The following SKP2 variants were observed in gnomAD, a reference collection of about 807,000 sequenced individuals.
SKP2 encodes the protein S-phase kinase associated protein 2.
SKP2 carries 16 observed loss-of-function variants against 51.8 expected under a neutral mutation model. The ratio of observed to expected loss-of-function variants is 0.31; its 90% CI spans 0.21 to 0.47. SKP2 has a LOEUF of 0.47. Ranked by LOEUF, SKP2 falls within the 20% of genes least tolerant of loss-of-function variation. SKP2 has a pLI of 1.00. For missense variants in SKP2, 377 were observed against 505.3 expected (o/e 0.75, Z 2.43); for synonymous variants, 176 against 198.6 (o/e 0.89, Z 0.96).
Position 36,184,011 on chromosome 5 carries a change from A to G in SKP2, c.*1980A>G. The G allele has an allele frequency of 1.3e-6, 2 of 1,482,458 alleles. No homozygotes were observed. The highest frequency in any genetic ancestry group is 1.9e-6 in the Non-Finnish European group (2 of 1,075,348). The allele number at this position is 1,482,458 out of a possible 1,614,324, so 91.8% of individuals were successfully genotyped here. ...TTTATAGACTTGTTTTAAAACAATA[A>G]AACACATTTTTATAAAAATGAGTGC... On this transcript the variant is annotated 3_prime_UTR_variant, in exon 10 of 10. Transcript: ENST00000274255.
intron 9 of SKP2, among the ~76,000 whole-genome samples, chr5:36,178,461 T>C (rs1245657079): frequency 6.6e-6 from 1 of 152,140 alleles, no homozygotes; most frequent in Non-Finnish European, 1.5e-5. Context: ...GGGTTCAGGG[T>C]CTGAGCTGGT....
At chr5:36,189,357 A>T (rs1745984556) in intron 6 of SKP2, among the ~76,000 whole-genome samples, 2 of 151,974 alleles carry the variant, frequency 1.3e-5, no homozygotes, top group African/African-American at 4.8e-5. Context: ...TTGTGGTTTT[A>T]TCTACCTTTG....
At chr5:36,184,836 ACACTGTCTT>A (rs1208693213), downstream of SKP2, among the ~76,000 whole-genome samples, 1 of 152,242 alleles carries the variant, frequency 6.6e-6, no homozygotes, top group Admixed American at 6.5e-5. Context: ...AGGAATCACC[ACACTGTCTT>A]CCACAATGGT....
intron 9 of SKP2, among the ~76,000 whole-genome samples, chr5:36,178,834 C>T (rs1261992316): frequency 1.3e-5 from 2 of 151,970 alleles, no homozygotes; most frequent in Non-Finnish European, 2.9e-5. Flanking sequence ...TGCTTTTTCT[C>T]AAGCAGAGGC....
chr5:36,177,173 C>A lies in SKP2; in HGVS notation c.954-12C>A. On this transcript the variant is annotated splice_polypyrimidine_tract_variant and intron_variant, in intron 8 of 9. Coordinates refer to ENST00000274255, the MANE Select transcript of SKP2 (RefSeq NM_005983.4). ...GTGATTTTCAATATCTTTTCTTCTGCCTTCTTAACAGTGATAGTGTCATGC... is the reference window on the plus strand; with the variant it reads ...GTGATTTTCAATATCTTTTCTTCTGACTTCTTAACAGTGATAGTGTCATGC... 6.4e-7 allele frequency: 1 copy of A among 1,554,286 alleles called. No homozygotes were observed. The highest frequency in any genetic ancestry group is 8.9e-7 in the Non-Finnish European group (1 of 1,126,484).
At chr5:36,170,716 T>C (rs556075086) in intron 6 of SKP2, among the ~76,000 whole-genome samples, 4 of 152,290 alleles carry the variant, frequency 2.6e-5, no homozygotes, top group African/African-American at 9.6e-5. Context: ...AACAGTATGG[T>C]TGTAAGAAAT....
chr5:36,189,344 T>C (rs1011355093), intron 6 of SKP2, among the ~76,000 whole-genome samples: 1 of 152,196 alleles, frequency 6.6e-6, no homozygotes. Flanking sequence ...TTTTTCCCTA[T>C]CTTTGTGGTT....
intron 1 of SKP2, 130 bp from the exon 2 acceptor site, chr5:36,152,641 T>TA (rs1318661705): frequency 1.1e-5 from 11 of 991,958 alleles, no homozygotes; most frequent in Non-Finnish European, 1.6e-5. Context: ...CGCAGGCACA[T>TA]AAAAAATGCG....
intron 2 of SKP2, among the ~76,000 whole-genome samples, chr5:36,159,117 G>A (rs565419510): frequency 6.6e-6 from 1 of 152,310 alleles, no homozygotes. Flanking sequence ...GCCTGTGGTG[G>A]TATCCTGGGT....
chr5:36,165,670 A>G (rs1416272858), intron 3 of SKP2, among the ~76,000 whole-genome samples: 1 of 152,196 alleles, frequency 6.6e-6, no homozygotes, highest in Non-Finnish European at 1.5e-5. Flanking sequence ...CAATTTTTTT[A>G]TGATGAAGTT....
rs201881807 is a variant in SKP2 at position 36,184,209 on chromosome 5, TAA to T, written c.*2187_*2188del. 2 of 336,508 alleles carry T rather than the reference TAA, an allele frequency of 5.9e-6. No homozygotes were observed. The highest frequency in any genetic ancestry group is 1.1e-5 in the Non-Finnish European group (2 of 188,576). 20.8% of individuals were successfully genotyped at this position (336,508 alleles called of 1,614,324 possible). On this transcript the variant is annotated 3_prime_UTR_variant, in exon 10 of 10. Coordinates refer to ENST00000274255, the MANE Select transcript of SKP2 (RefSeq NM_005983.4). ...CATCTACTTCATATGCTTGTCACAT[TAA>T]AAAAAAAAGTTTATAATGCCTTTAT...
chr5:36,152,750 G>A (rs370401193), intron 1 of SKP2, 21 bp from the exon 2 acceptor site: 65 of 1,607,556 alleles, frequency 4.0e-5, no homozygotes, highest in Non-Finnish European at 5.4e-5. Flanking sequence ...AAGGAACCGG[G>A]GGTATTGTGC....
chr5:36,160,830 C>T (rs191052958), intron 2 of SKP2, among the ~76,000 whole-genome samples: 4 of 152,280 alleles, frequency 2.6e-5, no homozygotes, highest in East Asian at 3.9e-4. Flanking sequence ...GCTGCCACGT[C>T]GAGGAGCCTC....
At chr5:36,188,688 G>T (rs1448072927), downstream of SKP2, among the ~76,000 whole-genome samples, 1 of 152,132 alleles carries the variant, frequency 6.6e-6, no homozygotes, top group Non-Finnish European at 1.5e-5. Flanking sequence ...CAACCTTGGT[G>T]AATCTGACAA....
chr5:36,166,594 G>C lies in SKP2; in HGVS notation c.468G>C (p.Leu156=). The change falls in exon 4 of 10, where the codon CTG becomes CTC. Residue 156 remains leucine (L), a synonymous_variant. Transcript: ENST00000274255. ...ACCCGGATGTGACTGGTCGGTTGCT[G>C]TCTCAAGGGGTGATTGCCTTCCGCT... ...NLHPDVTGRL[L]SQGVIAFRCP... The C allele has an allele frequency of 6.2e-7, 1 of 1,613,886 alleles. No individual in the cohort carries two copies.
At position 36,163,877 on chromosome 5, in the gene SKP2, G is replaced by A. The variant is rs1745203882; in HGVS notation, c.392+121G>A. 2.2e-5 allele frequency: 14 copies of A among 642,880 alleles called. No individual in the cohort carries two copies. In the South Asian group the frequency reaches 2.6e-4, roughly 12 times the overall value. The allele number at this position is 642,880 out of a possible 1,614,324, so 39.8% of individuals were successfully genotyped here. On this transcript the variant is annotated intron_variant, in intron 3 of 9. Coordinates refer to ENST00000274255, the MANE Select transcript of SKP2 (RefSeq NM_005983.4). ...AATAGAGCAGCGCAAAGCAAACTAG[G>A]TATCTTCATATTTTTATTAATCAGT...
chr5:36,170,308 T>A, intron 5 of SKP2, 36 bp from the exon 6 acceptor site: 1 of 1,207,352 alleles, frequency 8.3e-7, no homozygotes, highest in South Asian at 1.2e-5. Flanking sequence ...AGTGTCTTAC[T>A]GGTCTTTTTC....
At position 36,168,424 on chromosome 5, in the gene SKP2, G is replaced by A. The variant is rs1231375196; in HGVS notation, c.648G>A (p.Leu216=). 1.2e-6 allele frequency: 2 copies of A among 1,614,152 alleles called. No individual in the cohort carries two copies. The highest frequency in any genetic ancestry group is 2.2e-5 in the East Asian group (1 of 44,884). Residue 216 remains leucine (L), a synonymous_variant, in exon 5 of 10, where the codon CTG becomes CTA. Coordinates refer to ENST00000274255, the MANE Select transcript of SKP2 (RefSeq NM_005983.4). ...TGCAGAATCTAAGCCTGGAAGGCCTGCGGCTTTCGGATCCCATTGTCAAGT... is the reference window on the plus strand; with the variant it reads ...TGCAGAATCTAAGCCTGGAAGGCCTACGGCTTTCGGATCCCATTGTCAAGT... ...SKLQNLSLEG[L]RLSDPIVNTL...
At position 36,171,807 on chromosome 5, in the gene SKP2, C is replaced by T; in HGVS notation, c.901+74C>T. The T allele has an allele frequency of 2.8e-6, 4 of 1,425,836 alleles. No homozygotes were observed. The South Asian group carries it at 4.8e-5, about 17-fold the overall frequency. 88.3% of individuals were successfully genotyped at this position (1,425,836 alleles called of 1,614,324 possible). On this transcript the variant is annotated intron_variant, in intron 7 of 9. Coordinates refer to ENST00000274255, the MANE Select transcript of SKP2 (RefSeq NM_005983.4). ...TGAGATTCATTGAGCTTCTCCTAAT[C>T]ATTCCTCCACATAAGTTTTCTCATT...
Sources: gnomAD v4.1 joint callset for allele counts (sites outside exome capture counted in the v4.1 genomes callset) on GRCh38, gnomAD v4.1.1 for gene constraint, MANE v1.5 for transcripts, NCBI Gene and HGNC (gene_info 2026-07-23, HGNC 2026-07-21) for gene names.